Variants in MON2 observed in about 807,000 individuals in gnomAD.
The protein encoded by MON2 is MON2 regulator of endosome-to-Golgi trafficking, also known as protein MON2 homolog.
In MON2, 84 loss-of-function variants were observed where a neutral mutation model predicts 208.6. That is an observed-to-expected ratio of 0.40 (90% CI 0.34 to 0.48). MON2 has a LOEUF of 0.48. Ranked by LOEUF, MON2 falls within the 20% of genes least tolerant of loss-of-function variation. The pLI, the probability that MON2 is intolerant of heterozygous loss-of-function variation, is 0.59. For missense variants in MON2, 1,611 were observed against 2,015.4 expected, an observed-to-expected ratio of 0.80 and a Z score of 3.84; for synonymous variants, 660 against 694.0, an observed-to-expected ratio of 0.95 and a Z score of 0.77.
At chr12:62,566,538 G>T in intron 29 of MON2, 88 bp downstream of exon 29, 1 of 1,168,260 alleles carries the variant, frequency 8.6e-7, no homozygotes, top group Non-Finnish European at 1.2e-6. Context: ...ATTATATTGG[G>T]ATAAATAGAA....
chr12:62,556,766 T>A (rs1333058400), intron 25 of MON2, among the ~76,000 whole-genome samples: 1 of 152,232 alleles, frequency 6.6e-6, no homozygotes, highest in Non-Finnish European at 1.5e-5. Context: ...ATCCAGATCA[T>A]GTAGAATGTG....
intron 30 of MON2, among the ~76,000 whole-genome samples, chr12:62,577,006 ATTATT>A (rs1438286405): frequency 1.3e-5 from 2 of 151,898 alleles, no homozygotes; most frequent in African/African-American, 4.8e-5. Context: ...TAATATTAAT[ATTATT>A]TTATTATTTT....
intron 12 of MON2, among the ~76,000 whole-genome samples, chr12:62,534,542 A>AAAATATATATATATATATAT (rs1555169522): frequency 4.4e-5 from 1 of 22,850 alleles, no homozygotes; most frequent in Non-Finnish European, 7.4e-5. Flanking sequence ...AAAAAAAAAA[A>AAAATATATATATATATATAT]ATATATATAT....
At chr12:62,540,806 C>T (rs1164833872) in intron 19 of MON2, among the ~76,000 whole-genome samples, 3 of 152,102 alleles carry the variant, frequency 2.0e-5, no homozygotes, top group Non-Finnish European at 4.4e-5. Flanking sequence ...AAGTATTCAA[C>T]ATAAACCTTA....
At chr12:62,519,667 C>A (rs770227854) in intron 8 of MON2, among the ~76,000 whole-genome samples, 2 of 152,026 alleles carry the variant, frequency 1.3e-5, no homozygotes, top group African/African-American at 4.8e-5. Flanking sequence ...TGTCTTCATT[C>A]TGTTGTGATT....
At chr12:62,533,505 A>G (rs999368845) in intron 12 of MON2, among the ~76,000 whole-genome samples, 1 of 152,186 alleles carries the variant, frequency 6.6e-6, no homozygotes, top group African/African-American at 2.4e-5. Flanking sequence ...TGATGCTCAG[A>G]TTGTTCCCAA....
intron 8 of MON2, among the ~76,000 whole-genome samples, chr12:62,520,138 C>G (rs144183815): frequency 0.01 from 1,563 of 152,282 alleles, 15 homozygotes; most frequent in Non-Finnish European, 0.015. Context: ...GGTCTAGGAT[C>G]TGAAACGTTT....
chr12:62,537,336 C>A, intron 15 of MON2, 73 bp downstream of exon 15: 1 of 1,042,974 alleles, frequency 9.6e-7, no homozygotes, highest in Non-Finnish European at 1.4e-6. Context: ...TTTGTGTTTG[C>A]CAAAATGTGT....
rs1380335600 is a variant in MON2 at position 62,597,341 on chromosome 12, GCT to G, written c.*4595_*4596del. 4 of 151,544 alleles carry G rather than the reference GCT, an allele frequency of 2.6e-5. No homozygotes were observed. The highest frequency in any genetic ancestry group is 9.7e-5 in the African/African-American group (4 of 41,154). 9.4% of individuals were successfully genotyped at this position (151,544 alleles called of 1,614,324 possible). On this transcript the variant is annotated 3_prime_UTR_variant, in exon 35 of 35. Transcript: ENST00000393630. ...TTCATTCTCTGCCTCTTCTCTTTCA[GCT>G]CTTTCTCTAATTGTGCCTATTCCTT... is the stretch of plus-strand genomic sequence containing the variant.
intron 25 of MON2, among the ~76,000 whole-genome samples, chr12:62,557,170 A>G (rs1313481666): frequency 6.6e-6 from 1 of 152,234 alleles, no homozygotes; most frequent in Non-Finnish European, 1.5e-5. Context: ...ATGATCAAAT[A>G]TGCACTTCAA....
intron 4 of MON2, 114 bp downstream of exon 4, chr12:62,495,261 T>C: frequency 1.2e-6 from 1 of 844,422 alleles, no homozygotes; most frequent in Non-Finnish European, 1.8e-6. Context: ...CCTACAGCTA[T>C]GGTGATGATT....
intron 12 of MON2, among the ~76,000 whole-genome samples, chr12:62,533,487 A>G (rs1289739064): frequency 6.6e-6 from 1 of 152,132 alleles, no homozygotes; most frequent in Non-Finnish European, 1.5e-5. Flanking sequence ...CTTTATTATT[A>G]TTTGGTTTGA....
intron 1 of MON2, among the ~76,000 whole-genome samples, chr12:62,476,801 TAA>T (rs576595562): frequency 9.9e-4 from 150 of 152,284 alleles, no homozygotes; most frequent in African/African-American, 3.6e-3. Flanking sequence ...GGACCTTTGG[TAA>T]ATTTGCCTTA....
At chr12:62,559,404 C>G (rs1288765641) in intron 25 of MON2, among the ~76,000 whole-genome samples, 1 of 152,078 alleles carries the variant, frequency 6.6e-6, no homozygotes, top group African/African-American at 2.4e-5. Context: ...TGGCTGTAAT[C>G]CCAGCCCTTT....
intron 19 of MON2, 37 bp from the exon 20 acceptor site, chr12:62,543,057 TCTC>T: frequency 9.0e-7 from 1 of 1,109,640 alleles, no homozygotes; most frequent in Non-Finnish European, 1.3e-6. Context: ...TACTCAGAAT[TCTC>T]CTTATACTAT....
rs61752537 is a variant in MON2 at position 62,561,035 on chromosome 12, T to C, written c.3954T>C (p.Phe1318=). The change falls in exon 26 of 35, where the codon TTT becomes TTC. Residue 1318 remains phenylalanine, a synonymous_variant. Transcript: ENST00000393630. Reference sequence around the variant, plus strand: ...CAATAAGTTCAGATGCATCCCCTTTTATTCTTCCATCTTATACCGAAGCAG... The same window carrying C: ...CAATAAGTTCAGATGCATCCCCTTTCATTCTTCCATCTTATACCGAAGCAG... The part of the protein sequence containing the change: ...SVPISSDASP[F]ILPSYTEAVL... The C allele has an allele frequency of 1.8e-3, 2,824 of 1,613,220 alleles. 38 individuals carry two copies. In the African/African-American group the frequency reaches 0.032, roughly 18 times the overall value.
At chr12:62,485,923 C>T (rs531349746) in intron 2 of MON2, among the ~76,000 whole-genome samples, 71 of 152,064 alleles carry the variant, frequency 4.7e-4, no homozygotes, top group Non-Finnish European at 9.6e-4. Context: ...AGGCTGGTCT[C>T]GAACTCCTGA....
chr12:62,485,904 A>G (rs1159009072), intron 2 of MON2, among the ~76,000 whole-genome samples: 2 of 152,002 alleles, frequency 1.3e-5, no homozygotes, highest in African/African-American at 4.8e-5. Flanking sequence ...GGGTTTCATC[A>G]TGTTGGCTAG....
chr12:62,536,271 AG>A (rs1446298174), intron 14 of MON2, among the ~76,000 whole-genome samples: 2 of 152,150 alleles, frequency 1.3e-5, no homozygotes, highest in East Asian at 3.9e-4. Context: ...GTAACCACTT[AG>A]GTTAAACTTA....
Sources: allele counts gnomAD v4.1 joint callset (sites outside exome capture counted in the v4.1 genomes callset), GRCh38; gene constraint gnomAD v4.1.1; transcripts MANE v1.5; gene names NCBI Gene and HGNC (gene_info 2026-07-23, HGNC 2026-07-21).